Variants in OR6N1 observed in about 807,000 individuals in gnomAD.
The protein encoded by OR6N1 is olfactory receptor 6N1.
For synonymous variants in OR6N1, 170 were observed against 150.7 expected (o/e 1.13, Z -0.94); for missense variants, 394 against 371.7 (o/e 1.06, Z -0.49).
upstream of OR6N1, among the ~76,000 whole-genome samples, chr1:158,773,113 C>G (rs1254229135): frequency 6.6e-6 from 1 of 152,054 alleles, no homozygotes; most frequent in African/African-American, 2.4e-5. Flanking sequence ...CCATCCCACC[C>G]ACACTTTCAA....
chr1:158,821,735 C>G, the OR6N1 span, among the ~76,000 whole-genome samples: 1 of 152,130 alleles, frequency 6.6e-6, no homozygotes, highest in Non-Finnish European at 1.5e-5. Flanking sequence ...AGTAAAGAGG[C>G]TATAATCATG....
the OR6N1 span, among the ~76,000 whole-genome samples, chr1:158,797,410 C>T: frequency 6.6e-6 from 1 of 152,206 alleles, no homozygotes; most frequent in Non-Finnish European, 1.5e-5. Flanking sequence ...TTCTATCACC[C>T]TCTGCACAGC....
upstream of OR6N1, chr1:158,775,370 T>A (rs1205674970): frequency 6.6e-6 from 1 of 152,122 alleles, no homozygotes; most frequent in Non-Finnish European, 1.5e-5. Flanking sequence ...ATAATGTATT[T>A]GAAGACCTGA....
the OR6N1 span, chr1:158,781,271 A>C: frequency 6.6e-6 from 1 of 152,278 alleles, no homozygotes; most frequent in Admixed American, 6.5e-5. Context: ...CTTTACAGCA[A>C]GTCTCATCCT....
At chr1:158,801,940 A>C in the OR6N1 span, among the ~76,000 whole-genome samples, 1 of 152,054 alleles carries the variant, frequency 6.6e-6, no homozygotes, top group African/African-American at 2.4e-5. Flanking sequence ...TTTCTACCCC[A>C]AGACACTCCC....
chr1:158,821,994 A>C, the OR6N1 span, among the ~76,000 whole-genome samples: 1 of 152,136 alleles, frequency 6.6e-6, no homozygotes, highest in South Asian at 2.1e-4. Flanking sequence ...GTGGTATCTC[A>C]TTATTCTTCA....
chr1:158,771,398 T>C (rs1657420804), intron 1 of OR6N1, among the ~76,000 whole-genome samples: 2 of 152,178 alleles, frequency 1.3e-5, no homozygotes, highest in Admixed American at 1.3e-4. Context: ...TGGTGGGTAA[T>C]GAAAAAGAGG....
At chr1:158,795,498 C>T in the OR6N1 span, among the ~76,000 whole-genome samples, 1 of 152,226 alleles carries the variant, frequency 6.6e-6, no homozygotes, top group African/African-American at 2.4e-5. Flanking sequence ...GAGAGCTTCT[C>T]TCAACCTGTG....
chr1:158,819,610 A>G, the OR6N1 span, among the ~76,000 whole-genome samples: 2 of 152,192 alleles, frequency 1.3e-5, no homozygotes, highest in African/African-American at 4.8e-5. Context: ...AGGAATGTAT[A>G]CCACGGGAGT....
chr1:158,784,652 T>A, the OR6N1 span, among the ~76,000 whole-genome samples: 10 of 152,318 alleles, frequency 6.6e-5, no homozygotes, highest in African/African-American at 2.4e-4. Context: ...AGATTTCACA[T>A]ACGAATAATA....
the OR6N1 span, among the ~76,000 whole-genome samples, chr1:158,783,833 G>A: frequency 7.2e-5 from 11 of 152,118 alleles, no homozygotes; most frequent in Middle Eastern, 3.2e-3. Context: ...GGGACTGGGC[G>A]CGGTGGCTCA....
chr1:158,826,842 G>A, the OR6N1 span, among the ~76,000 whole-genome samples: 40 of 152,090 alleles, frequency 2.6e-4, no homozygotes, highest in Admixed American at 9.8e-4. Flanking sequence ...TAGAGATATG[G>A]AGAAATTAAA....
At chr1:158,797,353 G>C in the OR6N1 span, among the ~76,000 whole-genome samples, 2 of 152,128 alleles carry the variant, frequency 1.3e-5, no homozygotes, top group Non-Finnish European at 2.9e-5. Context: ...CCAAATGCCT[G>C]GTTCATGACA....
chr1:158,810,144 G>A, the OR6N1 span, among the ~76,000 whole-genome samples: 1 of 152,174 alleles, frequency 6.6e-6, no homozygotes, highest in Non-Finnish European at 1.5e-5. Flanking sequence ...GATAATGTAT[G>A]TTTCCCTAAA....
chr1:158,806,261 G>A, the OR6N1 span, among the ~76,000 whole-genome samples: 1 of 152,054 alleles, frequency 6.6e-6, no homozygotes, highest in African/African-American at 2.4e-5. Flanking sequence ...TTGAAAGCAG[G>A]GACTACTCAG....
chr1:158,818,050 G>T, the OR6N1 span, among the ~76,000 whole-genome samples: 1 of 152,218 alleles, frequency 6.6e-6, no homozygotes, highest in East Asian at 1.9e-4. Context: ...CTTTAATTGG[G>T]TCTTCCATTT....
chr1:158,817,557 G>C, the OR6N1 span, among the ~76,000 whole-genome samples: 1 of 152,206 alleles, frequency 6.6e-6, no homozygotes, highest in South Asian at 2.1e-4. Flanking sequence ...TATGGGATCA[G>C]ATTATTTCCA....
chr1:158,828,931 G>A, the OR6N1 span, among the ~76,000 whole-genome samples: 2 of 152,228 alleles, frequency 1.3e-5, no homozygotes, highest in South Asian at 2.1e-4. Flanking sequence ...TGTGGAAGCT[G>A]CCAAGGCTTG....
the OR6N1 span, among the ~76,000 whole-genome samples, chr1:158,813,424 AC>A: frequency 1.3e-5 from 2 of 152,130 alleles, no homozygotes; most frequent in African/African-American, 4.8e-5. Context: ...ACAACGGAAA[AC>A]CACAGAGATG....
Sources: gnomAD v4.1 joint callset for allele counts (sites outside exome capture counted in the v4.1 genomes callset) on GRCh38, gnomAD v4.1.1 for gene constraint, MANE v1.5 for transcripts, NCBI Gene and HGNC (gene_info 2026-07-23, HGNC 2026-07-21) for gene names.